TBCD: variants seen among roughly 807,000 people sequenced by gnomAD.
TBCD encodes tubulin folding cofactor D, also known as tubulin-specific chaperone D.
In TBCD, 105 loss-of-function variants were observed where a neutral mutation model predicts 169.3. That is an observed-to-expected ratio of 0.62 (90% confidence interval 0.53 to 0.73). TBCD has a LOEUF of 0.73. TBCD is among the 30% of genes least tolerant of loss of function. TBCD has a pLI of 0.00. For missense variants in TBCD, 1,444 were observed against 1,600.1 expected, an observed-to-expected ratio of 0.90 and a Z score of 1.66; for synonymous variants, 700 against 643.9, an observed-to-expected ratio of 1.09 and a Z score of -1.32.
chr17:82,933,273 C>CTTTTT lies in TBCD; in HGVS notation c.3191+553_3191+557dup, dbSNP rs10639851. On this transcript the variant is annotated intron_variant, in intron 34 of 38. Transcript: ENST00000355528. ...TTGAATTTCACCGTGTTGGGCCAGT[C>CTTTTT]TTTTTTTTTTTTTTTTTTTGAGACA... is the stretch of plus-strand genomic sequence containing the variant. Among the ~76,000 whole-genome samples, 1,137 of 114,528 alleles carry CTTTTT rather than the reference C, an allele frequency of 9.9e-3. 47 individuals carry two copies. Among genetic ancestry groups the CTTTTT allele is most frequent in the Non-Finnish European group, 0.012 (720 of 58,354 alleles). The allele number at this position is 114,528 out of a possible 152,430, so 75.1% of individuals were successfully genotyped here.
intron 13 of TBCD, chr17:82,830,195 GCTTCGCC>G (rs1460722667): frequency 8.7e-6 from 14 of 1,614,144 alleles, no homozygotes; most frequent in Non-Finnish European, 1.1e-5. Flanking sequence ...GTGTCCTGCA[GCTTCGCC>G]TTCTTAGCTC....
chr17:82,840,953 G>GTTTTTTTTTTTTTTTTTTTTT lies in TBCD; in HGVS notation c.1318+26019_1318+26020insTTTTTTTTTTTTTTTTTTTTT, dbSNP rs755302623. 6.1e-4 allele frequency among the ~76,000 whole-genome samples: 43 copies of GTTTTTTTTTTTTTTTTTTTTT among 70,548 alleles called. 21 individuals are homozygous for GTTTTTTTTTTTTTTTTTTTTT. The highest frequency in any genetic ancestry group is 8.6e-4 in the Admixed American group (4 of 4,670). 46.3% of individuals were successfully genotyped at this position (70,548 alleles called of 152,430 possible). On this transcript the variant is annotated intron_variant, in intron 13 of 38. Transcript: ENST00000355528. ...ACGAGCTGGCCAGGACAGACAAACTGGTTTTTTTTTTTTTTTTTTTTTTTT... is the reference window on the plus strand; with the variant it reads ...ACGAGCTGGCCAGGACAGACAAACTGTTTTTTTTTTTTTTTTTTTTTGTTTTTTTTTTTTTTTTTTTTTTTT...
At chr17:82,887,179 G>GCGCGCGCGCA (rs1723124569) in intron 15 of TBCD, among the ~76,000 whole-genome samples, 1 of 76,912 alleles carries the variant, frequency 1.3e-5, no homozygotes, top group Non-Finnish European at 2.4e-5. Context: ...GCGCGCGCGC[G>GCGCGCGCGCA]CACGTGCGCT....
chr17:82,937,606 G>C, intron 35 of TBCD: 1 of 598,472 alleles, frequency 1.7e-6, no homozygotes, highest in Non-Finnish European at 2.9e-6. Context: ...CTCTGCCCTG[G>C]CGGGAGGGGA....
At position 82,889,947 on chromosome 17, in the gene TBCD, A is replaced by G. The variant is rs1336071411; in HGVS notation, c.1563+250A>G. Among the ~76,000 whole-genome samples the G allele has an allele frequency of 6.6e-6, 1 of 152,240 alleles. No homozygotes were observed. Among genetic ancestry groups the G allele is most frequent in the Non-Finnish European group, 1.5e-5 (1 of 68,034 alleles). On this transcript the variant is annotated intron_variant, in intron 16 of 38. Transcript: ENST00000355528. The surrounding 1 kb of genome is among the most constrained non-coding windows in gnomAD (Gnocchi z 5.3). ...TGCTTTACACGTTGCCAAGAGCCAC[A>G]TAATGTGGCTCTGCAGGGTGGGGCG...
rs1038041447 is a variant in TBCD, at chr17:82,806,980, C to T, written c.1088-628C>T. 6.6e-6 allele frequency among the ~76,000 whole-genome samples: 1 copy of T among 152,226 alleles called. No homozygotes were observed. The highest frequency in any genetic ancestry group is 2.4e-5 in the African/African-American group (1 of 41,468). ...GTCTCCCACCCGCTGCAGGCAGTCC[C>T]CCCTGCCCGCATTCCAGCTGCTGTG... On this transcript the variant is annotated intron_variant, in intron 10 of 38. Coordinates refer to ENST00000355528, the MANE Select transcript of TBCD (RefSeq NM_005993.5). The surrounding 1 kb of genome is among the most constrained non-coding windows in gnomAD (Gnocchi z 5.1).
chr17:82,785,712 C>T (rs1457637850), intron 7 of TBCD, among the ~76,000 whole-genome samples: 1 of 143,412 alleles, frequency 7.0e-6, no homozygotes, highest in African/African-American at 2.7e-5. Flanking sequence ...TGATGTGTGA[C>T]TGGGACCACT....
Position 82,832,078 on chromosome 17 carries a change from A to T in TBCD, c.1318+17144A>T. The T allele has an allele frequency of 1.2e-6, 2 of 1,614,070 alleles. No individual in the cohort carries two copies. The highest frequency in any genetic ancestry group is 1.7e-6 in the Non-Finnish European group (2 of 1,179,938). ...CCTGTGGAGGGCTGGCTTCTGTCCC[A>T]GGCACCTGTGGGTTCCCCGGGCTTG... On this transcript the variant is annotated intron_variant, in intron 13 of 38. Transcript: ENST00000355528. This position sits in a 1 kb window ranked among gnomAD's most constrained non-coding sequence, Gnocchi z 4.9.
Position 82,920,334 on chromosome 17 carries a change from C to T in TBCD, c.2039-222C>T, listed in dbSNP as rs1216882853. 5 of 592,138 alleles carry T rather than the reference C, an allele frequency of 8.4e-6. No individual in the cohort carries two copies. In the African/African-American group the frequency reaches 9.3e-5, roughly 11 times the overall value. The allele number at this position is 592,138 out of a possible 1,614,324, so 36.7% of individuals were successfully genotyped here. On this transcript the variant is annotated intron_variant, in intron 23 of 38. Coordinates refer to ENST00000355528, the MANE Select transcript of TBCD (RefSeq NM_005993.5). The surrounding 1 kb of genome is among the most constrained non-coding windows in gnomAD (Gnocchi z 4.1). ...GCCTTCTGCCACGTGGCTGGGTCTG[C>T]AGCACTTTCTTCAGGCTGCTCAGCG...
At position 82,892,522 on chromosome 17, in the gene TBCD, C is replaced by T. The variant is rs563913174; in HGVS notation, c.1564-1025C>T. On this transcript the variant is annotated intron_variant, in intron 16 of 38. Transcript: ENST00000355528. Reference sequence around the variant, plus strand: ...AAAGCCGCATGGTACCTGCTCATTCCGGCCTCTCCTGGTGGGAAGGAGGGA... The same window carrying T: ...AAAGCCGCATGGTACCTGCTCATTCTGGCCTCTCCTGGTGGGAAGGAGGGA... Among the ~76,000 whole-genome samples, 16 of 152,256 alleles carry T rather than the reference C, an allele frequency of 1.1e-4. No homozygotes were observed. In the South Asian group the frequency reaches 1.5e-3, roughly 14 times the overall value.
intron 13 of TBCD, among the ~76,000 whole-genome samples, chr17:82,817,119 A>G (rs900587332): frequency 3.3e-5 from 5 of 152,048 alleles, no homozygotes; most frequent in African/African-American, 7.3e-5. Flanking sequence ...ATTGCGTTCC[A>G]TGGTTGCCTT....
At chr17:82,916,968 A>G (rs1035955019) in intron 23 of TBCD, among the ~76,000 whole-genome samples, 4 of 125,474 alleles carry the variant, frequency 3.2e-5, no homozygotes, top group African/African-American at 1.2e-4. Context: ...GCCTCCTTAC[A>G]CTCCCTCCTC....
intron 14 of TBCD, among the ~76,000 whole-genome samples, chr17:82,875,813 T>G (rs954939249): frequency 6.6e-6 from 1 of 152,198 alleles, no homozygotes; most frequent in Non-Finnish European, 1.5e-5. Context: ...GTCCTAACCC[T>G]GTGAAACCCG....
Position 82,884,615 on chromosome 17 carries a change from T to TG in TBCD, c.1533+415dup, listed in dbSNP as rs1160003792. ...CCTCGGGAGGGGCTGTTGCGAGCAG[T>TG]GGTCAGCTCTGCTTCACCCGCCACA... On this transcript the variant is annotated intron_variant, in intron 15 of 38. Coordinates refer to ENST00000355528, the MANE Select transcript of TBCD (RefSeq NM_005993.5). This position sits in a 1 kb window ranked among gnomAD's most constrained non-coding sequence, Gnocchi z 4.2. Among the ~76,000 whole-genome samples the TG allele has an allele frequency of 6.6e-6, 1 of 151,950 alleles. No homozygotes were observed. The highest frequency in any genetic ancestry group is 1.5e-5 in the Non-Finnish European group (1 of 67,940).
intron 20 of TBCD, 29 bp downstream of exon 20, chr17:82,906,082 AGGG>A: frequency 6.6e-7 from 1 of 1,526,662 alleles, no homozygotes. Context: ...GAGGAGACAC[AGGG>A]CTCTGTCCCT....
Position 82,930,502 on chromosome 17 carries a change from G to C in TBCD, c.2992-20G>C. 6.2e-7 allele frequency: 1 copy of C among 1,610,716 alleles called. No individual in the cohort carries two copies. On this transcript the variant is annotated intron_variant, in intron 32 of 38. Transcript: ENST00000355528. This position sits in a 1 kb window ranked among gnomAD's most constrained non-coding sequence, Gnocchi z 5.2. ...AGGCTCGGGGGTCCCACTGCCTTCT[G>C]AGGTGTCTCCGTGTTGCAGATCCGG...
rs1422210372 is a variant in TBCD, at chr17:82,881,905, C to CT, written c.1476-2239dup. Among the ~76,000 whole-genome samples, 3 of 151,128 alleles carry CT rather than the reference C, an allele frequency of 2.0e-5. No homozygotes were observed. The East Asian group carries it at 5.8e-4, about 29-fold the overall frequency. On this transcript the variant is annotated intron_variant, in intron 14 of 38. Coordinates refer to ENST00000355528, the MANE Select transcript of TBCD (RefSeq NM_005993.5). ...GGGTCCTTTCTCTCTCTCTCTGTCT[C>CT]TCCCCCCTCTCCCCTCCTCCCTTCC...
intron 12 of TBCD, among the ~76,000 whole-genome samples, chr17:82,810,776 G>T (rs549880229): frequency 6.6e-6 from 1 of 152,188 alleles, no homozygotes; most frequent in Non-Finnish European, 1.5e-5. Context: ...CCTGGACACC[G>T]TGGCGAAAGC....
rs1187506868 is a variant in TBCD at position 82,850,151 on chromosome 17, G to GCCT, written c.1319-20073_1319-20072insCCT. ...TGTTGTTGTTGGCTGTGCTGTTGTT[G>GCCT]GCTGTGCTGTTGTTGCCTGTGCTGC... On this transcript the variant is annotated intron_variant, in intron 13 of 38. Coordinates refer to ENST00000355528, the MANE Select transcript of TBCD (RefSeq NM_005993.5). Among the ~76,000 whole-genome samples, 8 of 104,460 alleles carry GCCT rather than the reference G, an allele frequency of 7.7e-5. 2 individuals are homozygous for GCCT. Among genetic ancestry groups the GCCT allele is most frequent in the African/African-American group, 3.4e-4 (8 of 23,290 alleles). The allele number at this position is 104,460 out of a possible 152,430, so 68.5% of individuals were successfully genotyped here.
Sources: gnomAD v4.1 joint callset for allele counts (sites outside exome capture counted in the v4.1 genomes callset) on GRCh38, gnomAD v4.1.1 for gene constraint, Gnocchi (gnomAD v3.1) non-coding constraint, MANE v1.5 for transcripts, NCBI Gene and HGNC (gene_info 2026-07-23, HGNC 2026-07-21) for gene names.